Variants in SGCD observed in about 807,000 individuals in gnomAD.
SGCD encodes the protein delta-sarcoglycan.
In SGCD, 18 loss-of-function variants were observed where a neutral mutation model predicts 36.6. That is an observed-to-expected ratio of 0.49 (90% CI 0.34 to 0.73). SGCD has a LOEUF of 0.73. SGCD is among the 30% of genes least tolerant of loss of function. The pLI is 0.01. For synonymous variants in SGCD, 133 were observed against 130.6 expected (o/e 1.02, Z -0.12); for missense variants, 387 against 346.7 (o/e 1.12, Z -0.92).
chr5:156,091,271 C>A (rs938150161), intron 1 of SGCD, among the ~76,000 whole-genome samples: 14 of 152,200 alleles, frequency 9.2e-5, no homozygotes, highest in African/African-American at 3.4e-4. Context: ...TCCATGAAAT[C>A]TTCACAATTT....
chr5:156,146,447 T>A (rs1368808004), intron 3 of SGCD, among the ~76,000 whole-genome samples: 1 of 152,160 alleles, frequency 6.6e-6, no homozygotes, highest in East Asian at 1.9e-4. Context: ...TGGTAGATGG[T>A]GTCAAGGGAA....
intron 1 of SGCD, among the ~76,000 whole-genome samples, chr5:156,065,309 T>A (rs1760311697): frequency 1.4e-5 from 1 of 69,278 alleles, no homozygotes; most frequent in Non-Finnish European, 2.6e-5. Flanking sequence ...GATAGTTTGT[T>A]ATAATTTCTG....
chr5:156,125,843 TTA>T (rs1561530076), intron 3 of SGCD, among the ~76,000 whole-genome samples: 28 of 22,170 alleles, frequency 1.3e-3, no homozygotes, highest in African/African-American at 4.3e-3. Flanking sequence ...CATTCTTTTA[TTA>T]TTATTATTAT....
chr5:156,748,834 C>G (rs754839994), intron 7 of SGCD, among the ~76,000 whole-genome samples: 1 of 151,978 alleles, frequency 6.6e-6, no homozygotes, highest in East Asian at 1.9e-4. Context: ...GCTCTGTTGC[C>G]CAGCCTGGAG....
At chr5:156,218,469 C>A (rs868781837) in intron 3 of SGCD, among the ~76,000 whole-genome samples, 2 of 152,074 alleles carry the variant, frequency 1.3e-5, no homozygotes, top group Non-Finnish European at 1.5e-5. Flanking sequence ...ATTAACCTAA[C>A]CACATTTTGA....
At chr5:155,950,835 T>C (rs1032692363) in intron 1 of SGCD, among the ~76,000 whole-genome samples, 6 of 152,212 alleles carry the variant, frequency 3.9e-5, no homozygotes, top group South Asian at 4.1e-4. Context: ...GAGTCTGTTA[T>C]AATTATTGAT....
At chr5:156,696,008 C>A (rs191437095) in intron 7 of SGCD, among the ~76,000 whole-genome samples, 1 of 152,126 alleles carries the variant, frequency 6.6e-6, no homozygotes, top group Non-Finnish European at 1.5e-5. Context: ...AACCATGAGG[C>A]CTCTCAAGGC....
At chr5:156,607,894 C>G (rs1051880495) in intron 6 of SGCD, among the ~76,000 whole-genome samples, 5 of 151,730 alleles carry the variant, frequency 3.3e-5, no homozygotes, top group African/African-American at 9.7e-5. Context: ...TGGTGATATC[C>G]CCTTTATCAT....
chr5:155,866,928 A>G (rs748001687), upstream of SGCD, among the ~76,000 whole-genome samples: 3 of 152,184 alleles, frequency 2.0e-5, no homozygotes, highest in Non-Finnish European at 4.4e-5. Flanking sequence ...AAAGGACATA[A>G]GGATCTGGGT....
At chr5:156,454,528 G>A (rs551314201) in intron 3 of SGCD, among the ~76,000 whole-genome samples, 1 of 152,260 alleles carries the variant, frequency 6.6e-6, no homozygotes, top group South Asian at 2.1e-4. Context: ...AAGTTTGCTT[G>A]TTTGTACAGA....
chr5:156,222,019 G>A (rs1228168912), intron 3 of SGCD, among the ~76,000 whole-genome samples: 1 of 152,032 alleles, frequency 6.6e-6, no homozygotes, highest in Non-Finnish European at 1.5e-5. Flanking sequence ...ATGTATTTGA[G>A]GGTCTGTCAT....
At chr5:156,297,681 T>C (rs1766932026) in intron 3 of SGCD, among the ~76,000 whole-genome samples, 1 of 151,468 alleles carries the variant, frequency 6.6e-6, no homozygotes, top group Non-Finnish European at 1.5e-5. Flanking sequence ...GAGATATACC[T>C]ATGCTAGATG....
intron 1 of SGCD, among the ~76,000 whole-genome samples, chr5:155,886,800 G>C (rs914086950): frequency 6.6e-6 from 1 of 152,218 alleles, no homozygotes; most frequent in Non-Finnish European, 1.5e-5. Context: ...AGTGCTCTGT[G>C]AAGGAGAATG....
chr5:156,487,788 C>CAAAAAAAAAACA (rs1755745043), intron 3 of SGCD, among the ~76,000 whole-genome samples: 1 of 41,384 alleles, frequency 2.4e-5, no homozygotes, highest in Admixed American at 4.1e-4. Context: ...ACTCTGTCAC[C>CAAAAAAAAAACA]AAAAAAAAAA....
At chr5:156,609,630 T>A (rs280452) in intron 6 of SGCD, among the ~76,000 whole-genome samples, 1 of 152,236 alleles carries the variant, frequency 6.6e-6, no homozygotes, top group Non-Finnish European at 1.5e-5. Context: ...GATAATATCC[T>A]GCAGAGTGTT....
intron 4 of SGCD, among the ~76,000 whole-genome samples, chr5:156,555,671 CT>C (rs145138762): frequency 0.14 from 18,552 of 135,330 alleles, 1,262 homozygotes; most frequent in Admixed American, 0.18. Context: ...CAAATTTGTT[CT>C]TTTTTTTTTT....
At chr5:155,857,964 CT>C in the SGCD span, among the ~76,000 whole-genome samples, 7 of 152,046 alleles carry the variant, frequency 4.6e-5, no homozygotes, top group Non-Finnish European at 8.8e-5. Flanking sequence ...CTTTGTTATT[CT>C]TTTTCTCTTT....
At chr5:156,071,727 G>C (rs969880928) in intron 1 of SGCD, among the ~76,000 whole-genome samples, 1 of 152,090 alleles carries the variant, frequency 6.6e-6, no homozygotes, top group African/African-American at 2.4e-5. Context: ...TGTTGACAGT[G>C]GGGTGTTAAA....
chr5:156,298,848 C>A lies in SGCD; in HGVS notation c.-43-30686C>A, dbSNP rs565948069. ...CTCCTAATATATTTGGGTTATTAATCCCTTTTCAGATTAATATTTTCAAAT... is the reference window on the plus strand; with the variant it reads ...CTCCTAATATATTTGGGTTATTAATACCTTTTCAGATTAATATTTTCAAAT... On this transcript the variant is annotated intron_variant, in intron 3 of 9. Transcript: ENST00000517913. Among the ~76,000 whole-genome samples the A allele has an allele frequency of 7.0e-4, 107 of 152,138 alleles. 1 individual carries two copies. The highest frequency in any genetic ancestry group is 2.4e-3 in the Admixed American group (37 of 15,270).
Sources: gnomAD v4.1 joint callset for allele counts (sites outside exome capture counted in the v4.1 genomes callset) on GRCh38, gnomAD v4.1.1 for gene constraint, MANE v1.5 for transcripts, NCBI Gene and HGNC (gene_info 2026-07-23, HGNC 2026-07-21) for gene names.